FGD4: variants seen among roughly 807,000 people sequenced by gnomAD.
FGD4 encodes the protein FYVE, RhoGEF and PH domain-containing protein 4.
A neutral mutation model predicts 102.0 loss-of-function variants in FGD4; 42 were observed. The ratio of observed to expected loss-of-function variants is 0.41; its 90% CI spans 0.32 to 0.53. The LOEUF is 0.53. Ranked by LOEUF, FGD4 falls within the 20% of genes least tolerant of loss-of-function variation. The pLI, the probability that FGD4 is intolerant of heterozygous loss-of-function variation, is 0.21. For missense variants in FGD4, 902 were observed against 1,078.2 expected, an observed-to-expected ratio of 0.84 and a Z score of 2.29; for synonymous variants, 380 against 375.7, an observed-to-expected ratio of 1.01 and a Z score of -0.13.
intron 1 of FGD4, 39 bp downstream of exon 1, chr12:32,399,998 G>A: frequency 2.1e-6 from 3 of 1,425,146 alleles, no homozygotes; most frequent in Non-Finnish European, 2.7e-6. Context: ...TGGCCCCGGC[G>A]CGTAGGTGCG....
Position 32,600,851 on chromosome 12 carries a change from T to C in FGD4, c.1102-427T>C, listed in dbSNP as rs148656343. 5.2e-3 allele frequency among the ~76,000 whole-genome samples: 788 copies of C among 152,192 alleles called. 6 individuals carry two copies. Among genetic ancestry groups the C allele is most frequent in the African/African-American group, 0.017 (719 of 41,526 alleles). On this transcript the variant is annotated intron_variant, in intron 5 of 16. Coordinates refer to ENST00000534526, the MANE Select transcript of FGD4 (RefSeq NM_001370298.3). The stretch of plus-strand genomic sequence containing the variant: ...AAAAATGAGACTTATGTCAGCAAAC[T>C]ACAATAAAGGGAAATATGTAATAAG...
At chr12:32,454,390 A>C (rs1249264740) in intron 1 of FGD4, among the ~76,000 whole-genome samples, 1 of 152,220 alleles carries the variant, frequency 6.6e-6, no homozygotes, top group Non-Finnish European at 1.5e-5. Context: ...TCTCTTCCTT[A>C]AGAGAAGTGG....
chr12:32,628,040 C>T (rs972556556), intron 14 of FGD4, among the ~76,000 whole-genome samples: 6 of 152,280 alleles, frequency 3.9e-5, no homozygotes, highest in Admixed American at 2.6e-4. Flanking sequence ...GTGACACAGT[C>T]CCGGGGGTGA....
In FGD4 at chr12:32,479,951, G is replaced by T. The variant is rs549388790; in HGVS notation, c.166+79992G>T. Among the ~76,000 whole-genome samples the T allele has an allele frequency of 4.2e-4, 64 of 151,238 alleles. 1 individual carries two copies. The highest frequency in any genetic ancestry group is 1.4e-3 in the African/African-American group (57 of 41,260). ...CCACACATGCGTACCTCCACATCCA[G>T]CTAATTTTTTGTATTTTCTTATAGA... On this transcript the variant is annotated intron_variant, in intron 1 of 16. Coordinates refer to ENST00000534526, the MANE Select transcript of FGD4 (RefSeq NM_001370298.3).
intron 5 of FGD4, among the ~76,000 whole-genome samples, chr12:32,599,552 TTTTTTTTTTTTTG>T (rs1159813340): frequency 4.9e-5 from 3 of 61,200 alleles, no homozygotes; most frequent in African/African-American, 2.1e-4. Context: ...TTTTTTTTTT[TTTTTTTTTTTTTG>T]GAGATGGAGT....
intron 1 of FGD4, among the ~76,000 whole-genome samples, chr12:32,484,446 A>G (rs1324456980): frequency 6.6e-6 from 1 of 152,226 alleles, no homozygotes; most frequent in East Asian, 1.9e-4. Context: ...TCTAGGTATT[A>G]TGGTTTGATT....
intron 1 of FGD4, among the ~76,000 whole-genome samples, chr12:32,401,572 A>T (rs1940663357): frequency 6.6e-6 from 1 of 151,840 alleles, no homozygotes; most frequent in Admixed American, 6.6e-5. Context: ...CAAATTCTTT[A>T]TTCTATCATT....
At chr12:32,568,840 G>A (rs1419674362) in intron 2 of FGD4, among the ~76,000 whole-genome samples, 1 of 151,986 alleles carries the variant, frequency 6.6e-6, no homozygotes, top group Non-Finnish European at 1.5e-5. Flanking sequence ...ACTGGCAATT[G>A]GTTTCTTTTC....
Position 32,644,287 on chromosome 12 carries a change from A to G in FGD4, c.*3754A>G, listed in dbSNP as rs903227928. 1 of 152,122 alleles carries G rather than the reference A, an allele frequency of 6.6e-6. No homozygotes were observed. Among genetic ancestry groups the G allele is most frequent in the Non-Finnish European group, 1.5e-5 (1 of 67,970 alleles). The allele number at this position is 152,122 out of a possible 1,614,324, so 9.4% of individuals were successfully genotyped here. On this transcript the variant is annotated 3_prime_UTR_variant, in exon 17 of 17. Coordinates refer to ENST00000534526, the MANE Select transcript of FGD4 (RefSeq NM_001370298.3). ...CATTCTTACCAATTTTATTAGAATCAAACTTCTTGTTATTTGCATACTATT... is the reference window on the plus strand; with the variant it reads ...CATTCTTACCAATTTTATTAGAATCGAACTTCTTGTTATTTGCATACTATT...
At position 32,610,757 on chromosome 12, in the gene FGD4, T is replaced by G. The variant is rs543869288; in HGVS notation, c.1544-19T>G. On this transcript the variant is annotated intron_variant, in intron 8 of 16. Transcript: ENST00000534526. Reference sequence around the variant, plus strand: ...AAGGACAAAGCATATTTATTTACTTTTCTTTTTTTCCCATTTAGAATCACT... The same window carrying G: ...AAGGACAAAGCATATTTATTTACTTGTCTTTTTTTCCCATTTAGAATCACT... 1.5e-5 allele frequency: 24 copies of G among 1,604,860 alleles called. No homozygotes were observed. In the South Asian group the frequency reaches 2.4e-4, roughly 16 times the overall value.
chr12:32,448,930 A>G (rs895361646), intron 1 of FGD4, among the ~76,000 whole-genome samples: 1 of 152,106 alleles, frequency 6.6e-6, no homozygotes, highest in Non-Finnish European at 1.5e-5. Flanking sequence ...TAATAAATAA[A>G]ACCTTCGTTC....
rs190230256 is a variant in FGD4 at position 32,530,925 on chromosome 12, C to A, written c.167-33212C>A. Among the ~76,000 whole-genome samples the A allele has an allele frequency of 4.5e-5, 6 of 132,784 alleles. No homozygotes were observed. In the East Asian group the frequency reaches 1.1e-3, roughly 25 times the overall value. 87.1% of individuals were successfully genotyped at this position (132,784 alleles called of 152,430 possible). A position where few individuals can be genotyped will look rare whatever the true frequency, so the allele number is the denominator to read the frequency against. On this transcript the variant is annotated intron_variant, in intron 1 of 16. Coordinates refer to ENST00000534526, the MANE Select transcript of FGD4 (RefSeq NM_001370298.3). ...TTGAGTTTACACTATCTATGACAAT[C>A]AGTTTCCTAGCTTTGGTTTTTTTTT...
chr12:32,601,877 C>G (rs1464389412), intron 6 of FGD4, among the ~76,000 whole-genome samples: 1 of 152,174 alleles, frequency 6.6e-6, no homozygotes, highest in Non-Finnish European at 1.5e-5. Flanking sequence ...GAGGCCAAGG[C>G]AGGCGGATCC....
intron 2 of FGD4, among the ~76,000 whole-genome samples, chr12:32,567,360 T>C (rs775822361): frequency 5.3e-5 from 8 of 152,188 alleles, no homozygotes; most frequent in Non-Finnish European, 1.0e-4. Flanking sequence ...TTAGGACTCT[T>C]ATTCTAGGTG....
At chr12:32,635,209 CTT>C (rs1427837801) in intron 15 of FGD4, among the ~76,000 whole-genome samples, 5 of 152,112 alleles carry the variant, frequency 3.3e-5, no homozygotes, top group Non-Finnish European at 7.3e-5. Context: ...CAAACTGGGG[CTT>C]TCTCAGGCAG....
At chr12:32,496,490 A>T (rs981755850) in intron 1 of FGD4, among the ~76,000 whole-genome samples, 1 of 152,030 alleles carries the variant, frequency 6.6e-6, no homozygotes, top group Non-Finnish European at 1.5e-5. Flanking sequence ...CATATCAAAA[A>T]CTCATCAAGA....
chr12:32,523,757 G>T (rs1458782949), intron 1 of FGD4, among the ~76,000 whole-genome samples: 1 of 152,060 alleles, frequency 6.6e-6, no homozygotes, highest in Non-Finnish European at 1.5e-5. Context: ...GGCAGATCAT[G>T]AGGTCAGGAG....
intron 1 of FGD4, among the ~76,000 whole-genome samples, chr12:32,439,964 T>A (rs144627892): frequency 4.8e-4 from 73 of 152,324 alleles, no homozygotes; most frequent in African/African-American, 1.7e-3. Flanking sequence ...GCCAATTACA[T>A]TTTTTAGCTC....
At chr12:32,490,535 A>G (rs902577260) in intron 1 of FGD4, among the ~76,000 whole-genome samples, 22 of 151,586 alleles carry the variant, frequency 1.5e-4, no homozygotes, top group African/African-American at 5.1e-4. Context: ...AGTAGCTGGG[A>G]CTGCAGGTGC....
Sources: gnomAD v4.1 joint callset for allele counts (sites outside exome capture counted in the v4.1 genomes callset) on GRCh38, gnomAD v4.1.1 for gene constraint, MANE v1.5 for transcripts, NCBI Gene and HGNC (gene_info 2026-07-23, HGNC 2026-07-21) for gene names.